Variants in TANGO6 observed in about 807,000 individuals in gnomAD.
TANGO6 encodes transport and Golgi organization protein 6 homolog.
In TANGO6, 90 loss-of-function variants were observed where a neutral mutation model predicts 114.2. That is an observed-to-expected ratio of 0.79 (90% CI 0.66 to 0.94). The LOEUF is 0.94. TANGO6 is among the 40% of genes least tolerant of loss of function. The pLI is 0.00. For missense variants in TANGO6, 1,274 were observed against 1,315.3 expected, an observed-to-expected ratio of 0.97 and a Z score of 0.49; for synonymous variants, 477 against 509.8, an observed-to-expected ratio of 0.94 and a Z score of 0.87.
At chr16:69,047,625 C>T (rs1036206607) in intron 17 of TANGO6, among the ~76,000 whole-genome samples, 6 of 151,882 alleles carry the variant, frequency 4.0e-5, no homozygotes, top group Non-Finnish European at 7.4e-5. Flanking sequence ...CCACAAATAA[C>T]GAGAATTGAA....
At chr16:68,990,308 A>G (rs1260718441) in intron 15 of TANGO6, among the ~76,000 whole-genome samples, 1 of 151,902 alleles carries the variant, frequency 6.6e-6, no homozygotes, top group Non-Finnish European at 1.5e-5. Flanking sequence ...AGGCCTCACA[A>G]TTATGGCAGA....
chr16:68,965,246 A>G (rs1001756564), intron 14 of TANGO6, among the ~76,000 whole-genome samples: 1 of 151,926 alleles, frequency 6.6e-6, no homozygotes, highest in Non-Finnish European at 1.5e-5. Context: ...TGCAACCTCC[A>G]TCTCCCTGGT....
chr16:69,021,830 T>C (rs1251382781), intron 15 of TANGO6, among the ~76,000 whole-genome samples: 2 of 152,064 alleles, frequency 1.3e-5, no homozygotes, highest in Non-Finnish European at 2.9e-5. Context: ...GAAAGTTTAT[T>C]AAGCTATATA....
intron 7 of TANGO6, among the ~76,000 whole-genome samples, chr16:68,897,241 A>C (rs550194268): frequency 2.0e-5 from 3 of 152,040 alleles, no homozygotes; most frequent in African/African-American, 7.3e-5. Flanking sequence ...CTCTTTCTGC[A>C]TGCTCTTCCC....
At chr16:68,939,120 A>C (rs980689740) in intron 14 of TANGO6, among the ~76,000 whole-genome samples, 1 of 151,288 alleles carries the variant, frequency 6.6e-6, no homozygotes, top group East Asian at 1.9e-4. Flanking sequence ...AACAAAAAAA[A>C]CCTTAAAAGT....
At chr16:68,999,779 A>G (rs757602597) in intron 15 of TANGO6, among the ~76,000 whole-genome samples, 1 of 152,250 alleles carries the variant, frequency 6.6e-6, no homozygotes, top group Non-Finnish European at 1.5e-5. Flanking sequence ...GCAAAAAATC[A>G]TAAAAAGATT....
chr16:69,083,380 T>C, intron 17 of TANGO6, 105 bp from the exon 18 acceptor site: 1 of 1,360,908 alleles, frequency 7.3e-7, no homozygotes, highest in Non-Finnish European at 9.8e-7. Flanking sequence ...AGGAAGTCTG[T>C]GGATGTCCTC....
At chr16:68,944,083 A>G (rs1363996284) in intron 14 of TANGO6, among the ~76,000 whole-genome samples, 1 of 152,122 alleles carries the variant, frequency 6.6e-6, no homozygotes, top group Non-Finnish European at 1.5e-5. Flanking sequence ...TATGAGTCTT[A>G]TTTGGAATGT....
intron 2 of TANGO6, among the ~76,000 whole-genome samples, chr16:68,861,201 G>A (rs564617139): frequency 1.3e-5 from 2 of 152,154 alleles, no homozygotes; most frequent in South Asian, 2.1e-4. Flanking sequence ...CACTACCCCC[G>A]CCATGAGAGG....
chr16:68,895,297 C>T (rs1278381001), intron 7 of TANGO6, among the ~76,000 whole-genome samples: 4 of 152,038 alleles, frequency 2.6e-5, no homozygotes, highest in Non-Finnish European at 4.4e-5. Context: ...TGCACTGAGG[C>T]GAGATCATGC....
At chr16:68,885,815 A>T (rs1244445163) in intron 7 of TANGO6, 1 of 152,186 alleles carries the variant, frequency 6.6e-6, no homozygotes, top group Admixed American at 6.5e-5. Context: ...CATTTTCACC[A>T]TTTGGCTCTT....
intron 17 of TANGO6, among the ~76,000 whole-genome samples, chr16:69,062,135 A>T (rs1315805476): frequency 6.6e-6 from 1 of 152,222 alleles, no homozygotes; most frequent in African/African-American, 2.4e-5. Context: ...TGGGGAAAAG[A>T]TGCAATTTTA....
rs117692828 is a variant in TANGO6 at position 68,997,932 on chromosome 16, T to G, written c.2842+23764T>G. Among the ~76,000 whole-genome samples the G allele has an allele frequency of 2.0e-5, 3 of 152,306 alleles. No individual in the cohort carries two copies. The East Asian group carries it at 5.8e-4, about 29-fold the overall frequency. On this transcript the variant is annotated intron_variant, in intron 15 of 17. Coordinates refer to ENST00000261778, the MANE Select transcript of TANGO6 (RefSeq NM_024562.2). ...ACCTAATTATTAGGGTCTCTTGTATTCAAGGTAGAGAGGAGCTCAATGAGA... is the reference window on the plus strand; with the variant it reads ...ACCTAATTATTAGGGTCTCTTGTATGCAAGGTAGAGAGGAGCTCAATGAGA...
At chr16:68,899,523 T>A (rs1962755821) in intron 7 of TANGO6, among the ~76,000 whole-genome samples, 1 of 152,070 alleles carries the variant, frequency 6.6e-6, no homozygotes, top group African/African-American at 2.4e-5. Flanking sequence ...TTTTTTTAAT[T>A]TTTTTCATAG....
At chr16:69,072,628 G>C (rs972050814) in intron 17 of TANGO6, among the ~76,000 whole-genome samples, 29 of 152,110 alleles carry the variant, frequency 1.9e-4, no homozygotes, top group African/African-American at 6.8e-4. Flanking sequence ...GAGTCACAGG[G>C]ATTGGGAAGA....
At chr16:68,900,795 C>A (rs1962772161) in intron 8 of TANGO6, among the ~76,000 whole-genome samples, 1 of 152,190 alleles carries the variant, frequency 6.6e-6, no homozygotes, top group Non-Finnish European at 1.5e-5. Context: ...AAGACAAAAT[C>A]TCTGTTTACA....
rs548116689 is a variant in TANGO6, at chr16:68,973,283, C to T, written c.2702-745C>T. On this transcript the variant is annotated intron_variant, in intron 14 of 17. Coordinates refer to ENST00000261778, the MANE Select transcript of TANGO6 (RefSeq NM_024562.2). ...TTCCTTCTTTACTTTTTTTCTTTTTCGTCACTGTTCTTTATAGTGTGTAAT... is the reference window on the plus strand; with the variant it reads ...TTCCTTCTTTACTTTTTTTCTTTTTTGTCACTGTTCTTTATAGTGTGTAAT... 1.1e-4 allele frequency: 43 copies of T among 388,146 alleles called. 1 individual carries two copies. Among genetic ancestry groups the T allele is most frequent in the South Asian group, 7.5e-4 (38 of 50,612 alleles). 24.0% of individuals were successfully genotyped at this position (388,146 alleles called of 1,614,324 possible).
chr16:68,903,287 A>C (rs1389421629), intron 9 of TANGO6, among the ~76,000 whole-genome samples: 2 of 152,180 alleles, frequency 1.3e-5, no homozygotes, highest in African/African-American at 4.8e-5. Flanking sequence ...TTATCAGTAC[A>C]AACGCAAGCT....
chr16:68,973,982 T>C, intron 14 of TANGO6, 46 bp from the exon 15 acceptor site: 2 of 1,559,898 alleles, frequency 1.3e-6, no homozygotes, highest in Non-Finnish European at 1.7e-6. Context: ...ATTTGCCTTT[T>C]GATCGTAAAC....
Sources: allele counts gnomAD v4.1 joint callset (sites outside exome capture counted in the v4.1 genomes callset), GRCh38; gene constraint gnomAD v4.1.1; transcripts MANE v1.5; gene names NCBI Gene and HGNC (gene_info 2026-07-23, HGNC 2026-07-21).